The following OXGR1 variants were observed in gnomAD, a reference collection of about 807,000 sequenced individuals.
The protein encoded by OXGR1 is 2-oxoglutarate receptor 1.
In OXGR1, 10 loss-of-function variants were observed where a neutral mutation model predicts 10.0. The ratio of observed to expected loss-of-function variants is 1.00; its 90% CI spans 0.62 to 1.70. The LOEUF (loss-of-function observed/expected upper bound fraction) is 1.70. Ranked by LOEUF, OXGR1 falls within the 40% of genes most tolerant of loss-of-function variation. OXGR1 has a pLI of 0.00. For synonymous variants in OXGR1, 191 were observed against 155.9 expected (o/e 1.22, Z -1.68); for missense variants, 398 against 407.6 (o/e 0.98, Z 0.20).
At position 96,986,878 on chromosome 13, in the gene OXGR1, G is replaced by A. The variant is rs763207149; in HGVS notation, c.882C>T (p.Asn294=). The change falls in exon 4 of 4, where the codon AAC becomes AAT. Residue 294 remains asparagine (N), a synonymous_variant. Transcript: ENST00000541038. ...CATATAGTAACAGGTTACCAAAGGT[G>A]TTCAGAGCAGCTAATGGTCTAGAAA... is the stretch of plus-strand genomic sequence containing the variant. ...YIVSRPLAAL[N]TFGNLLLYVV... 1.1e-5 allele frequency: 18 copies of A among 1,614,090 alleles called. No individual in the cohort carries two copies. The African/African-American group carries it at 1.9e-4, about 17-fold the overall frequency.
chr13:96,992,998 A>G (rs1422186924), intron 1 of OXGR1, among the ~76,000 whole-genome samples: 1 of 152,226 alleles, frequency 6.6e-6, no homozygotes, highest in Non-Finnish European at 1.5e-5. Context: ...TAGACCTTTC[A>G]TTCACAAAGA....
chr13:96,986,890 T>C lies in OXGR1; in HGVS notation c.870A>G (p.Leu290=), dbSNP rs761956142. The change falls in exon 4 of 4, where the codon TTA becomes TTG. Residue 290 remains leucine, a synonymous_variant. Transcript: ENST00000541038. ...IHEAYIVSRP[L]AALNTFGNLL... is the part of the protein sequence containing the mutation. ...GGTTACCAAAGGTGTTCAGAGCAGC[T>C]AATGGTCTAGAAACGATGTAAGCTT... The C allele has an allele frequency of 3.1e-6, 5 of 1,614,212 alleles. No homozygotes were observed. The highest frequency in any genetic ancestry group is 1.1e-5 in the South Asian group (1 of 91,084).
At chr13:96,991,703 A>G (rs1222743898) in intron 2 of OXGR1, among the ~76,000 whole-genome samples, 1 of 152,230 alleles carries the variant, frequency 6.6e-6, no homozygotes, top group Non-Finnish European at 1.5e-5. Context: ...CTGAGCTACC[A>G]TATGATCCAG....
In OXGR1 at chr13:96,986,004, G is replaced by A. The variant is rs777063389; in HGVS notation, c.*742C>T. ...ACATCTGAAAGTGACTTCTGTCCTA[G>A]AAAGTTTCCCTTCCTTCCCCAGGAC... On this transcript the variant is annotated 3_prime_UTR_variant, in exon 4 of 4. Coordinates refer to ENST00000541038, the MANE Select transcript of OXGR1 (RefSeq NM_001346194.2). The A allele has an allele frequency of 3.9e-5, 6 of 152,306 alleles. No individual in the cohort carries two copies. Among genetic ancestry groups the A allele is most frequent in the South Asian group, 4.1e-4 (2 of 4,830 alleles). 9.4% of individuals were successfully genotyped at this position (152,306 alleles called of 1,614,324 possible). A position where few individuals can be genotyped will look rare whatever the true frequency, so the allele number is the denominator to read the frequency against.
chr13:96,994,074 T>C (rs1425850809), intron 1 of OXGR1, among the ~76,000 whole-genome samples: 3 of 152,162 alleles, frequency 2.0e-5, no homozygotes, highest in Non-Finnish European at 4.4e-5. Flanking sequence ...TTTTGTTCCC[T>C]AAAATGAAAC....
rs1375957094 is a variant in OXGR1 at position 96,992,484 on chromosome 13, GA to G, written c.-190del. On this transcript the variant is annotated 5_prime_UTR_variant, in exon 2 of 4. An upstream open reading frame in the 5' UTR loses its in-frame stop. Transcript: ENST00000541038. ...TGTGATTGTTTGAGGCTAGCTGCAGGATGTCAATATTTGGGTAACACACCGT... is the reference window on the plus strand; with the variant it reads ...TGTGATTGTTTGAGGCTAGCTGCAGGTGTCAATATTTGGGTAACACACCGT... 2 of 152,184 alleles carry G rather than the reference GA, an allele frequency of 1.3e-5. No individual in the cohort carries two copies. Among genetic ancestry groups the G allele is most frequent in the Non-Finnish European group, 2.9e-5 (2 of 68,038 alleles). The allele number at this position is 152,184 out of a possible 1,614,324, so 9.4% of individuals were successfully genotyped here.
chr13:96,992,059 T>C (rs1166444982), intron 2 of OXGR1, among the ~76,000 whole-genome samples: 1 of 150,080 alleles, frequency 6.7e-6, no homozygotes, highest in African/African-American at 2.5e-5. Context: ...GCATAGAGAG[T>C]AGAAGGATGG....
At chr13:96,990,507 C>T (rs1881994965) in intron 2 of OXGR1, among the ~76,000 whole-genome samples, 1 of 152,152 alleles carries the variant, frequency 6.6e-6, no homozygotes, top group African/African-American at 2.4e-5. Flanking sequence ...CACAAGTCAC[C>T]TCATACCCCA....
chr13:96,987,364 G>A lies in OXGR1; in HGVS notation c.396C>T (p.Tyr132=). ...LFLTCFSIFR[Y]CVIIHPMSCF... ...AGCTCATTGGGTGAATGATCACACA[G>A]TAGCGGAAGATGCTGAAACAGGTGA... The change falls in exon 4 of 4, where the codon TAC becomes TAT. Residue 132 remains tyrosine (Y), a synonymous_variant. Transcript: ENST00000541038. The A allele has an allele frequency of 1.9e-6, 3 of 1,614,202 alleles. No individual in the cohort carries two copies. Among genetic ancestry groups the A allele is most frequent in the South Asian group, 2.2e-5 (2 of 91,084 alleles).
Position 96,986,753 on chromosome 13 carries a change from T to A in OXGR1, c.1007A>T (p.Asn336Ile). The A allele has an allele frequency of 6.2e-7, 1 of 1,603,642 alleles. No homozygotes were observed. The highest frequency in any genetic ancestry group is 8.5e-7 in the Non-Finnish European group (1 of 1,175,892). Reference sequence around the variant, plus strand: ...TTAAGTAAATGAAATATTTCAAGGGTTGTTTGAGTAACTAATTTTCTTTGC... The same window carrying A: ...TTAAGTAAATGAAATATTTCAAGGGATGTTTGAGTAACTAATTTTCTTTGC... ...EQAKKISYSN[N>I]P is the part of the protein sequence containing the mutation. The change falls in exon 4 of 4, where the codon AAC becomes ATC. Residue 336 changes from asparagine (N) to isoleucine (I), a missense_variant. Asn to Ile is a moderately radical substitution (Grantham distance 149). Coordinates refer to ENST00000541038, the MANE Select transcript of OXGR1 (RefSeq NM_001346194.2).
At position 96,987,045 on chromosome 13, in the gene OXGR1, C is replaced by T; in HGVS notation, c.715G>A (p.Ala239Thr). Residue 239 changes from alanine (A) to threonine (T), a missense_variant, in exon 4 of 4, where the codon GCA (alanine) becomes ACA (threonine). Transcript: ENST00000541038. Reference protein sequence around the residue: ...LQTDSCLKQKARRLTILLLLA... With the variant: ...LQTDSCLKQKTRRLTILLLLA... ...AGTAGCAGAATGGTTAGCCTTCGTG[C>T]TTTCTGCTTAAGGCAGCTGTCAGTT... The T allele has an allele frequency of 1.9e-6, 3 of 1,614,194 alleles. No individual in the cohort carries two copies. Among genetic ancestry groups the T allele is most frequent in the South Asian group, 2.2e-5 (2 of 91,080 alleles).
At position 96,987,317 on chromosome 13, in the gene OXGR1, C is replaced by T. The variant is rs773971892; in HGVS notation, c.443G>A (p.Arg148Gln). 2.6e-5 allele frequency: 42 copies of T among 1,614,180 alleles called. 1 individual carries two copies. The highest frequency in any genetic ancestry group is 6.7e-5 in the East Asian group (3 of 44,880). The change falls in exon 4 of 4, where the codon CGA (arginine) becomes CAA (glutamine). Residue 148 changes from arginine to glutamine, a missense_variant. Physicochemically the swap from Arg to Gln is conservative, Grantham distance 43 (BLOSUM62 1). Transcript: ENST00000541038. ...PMSCFSIHKTRCAVVACAVVW... is the reference protein window; with the variant it reads ...PMSCFSIHKTQCAVVACAVVW... The stretch of plus-strand genomic sequence containing the variant: ...CACAGCACAGGCTACAACTGCACAT[C>T]GAGTTTTGTGAATGGAAAAGCAGCT...
In OXGR1 at chr13:96,986,980, C is replaced by G; in HGVS notation, c.780G>C (p.Leu260Phe). 2 of 1,614,144 alleles carry G rather than the reference C, an allele frequency of 1.2e-6. No individual in the cohort carries two copies. The highest frequency in any genetic ancestry group is 1.7e-6 in the Non-Finnish European group (2 of 1,180,032). Residue 260 changes from leucine (L) to phenylalanine (F), a missense_variant, in exon 4 of 4, where the codon TTG (leucine) becomes TTC (phenylalanine). Coordinates refer to ENST00000541038, the MANE Select transcript of OXGR1 (RefSeq NM_001346194.2). ...FYVCFLPFHILRVIRIESRLL... is the reference protein window; with the variant it reads ...FYVCFLPFHIFRVIRIESRLL... ...GGCGAGATTCGATCCGAATGACCCTCAAGATATGGAAGGGTAAAAAACATA... is the reference window on the plus strand; with the variant it reads ...GGCGAGATTCGATCCGAATGACCCTGAAGATATGGAAGGGTAAAAAACATA...
intron 1 of OXGR1, among the ~76,000 whole-genome samples, chr13:96,992,887 G>A (rs1010197785): frequency 3.9e-5 from 6 of 152,156 alleles, no homozygotes; most frequent in Admixed American, 2.6e-4. Context: ...CAATGGACGA[G>A]GGAGGTGCAC....
chr13:96,989,030 A>C (rs927196929), intron 3 of OXGR1, among the ~76,000 whole-genome samples: 4 of 152,216 alleles, frequency 2.6e-5, no homozygotes, highest in Admixed American at 1.3e-4. Flanking sequence ...TTTTAACAAA[A>C]TATAAACCCA....
chr13:96,986,856 A>G lies in OXGR1; in HGVS notation c.904T>C (p.Tyr302His). 1.2e-6 allele frequency: 2 copies of G among 1,614,198 alleles called. No homozygotes were observed. Among genetic ancestry groups the G allele is most frequent in the Non-Finnish European group, 1.7e-6 (2 of 1,180,014 alleles). ...ALNTFGNLLL[Y>H]VVVSDNFQQA... is the part of the protein sequence containing the mutation. ...TGAAAGTTGTCGCTGACCACCACATATAGTAACAGGTTACCAAAGGTGTTC... is the reference window on the plus strand; with the variant it reads ...TGAAAGTTGTCGCTGACCACCACATGTAGTAACAGGTTACCAAAGGTGTTC... The change falls in exon 4 of 4, where the codon TAT becomes CAT. Residue 302 changes from tyrosine to histidine, a missense_variant. Physicochemically the swap from Tyr to His is moderately conservative, Grantham distance 83 (BLOSUM62 2). Coordinates refer to ENST00000541038, the MANE Select transcript of OXGR1 (RefSeq NM_001346194.2).
At position 96,987,177 on chromosome 13, in the gene OXGR1, T is replaced by C. The variant is rs777875475; in HGVS notation, c.583A>G (p.Ile195Val). Reference protein sequence around the residue: ...DLTSSDELNTIKWYNLILTAT... With the variant: ...DLTSSDELNTVKWYNLILTAT... ...GTCAAAATCAGGTTGTACCACTTAA[T>C]AGTATTGAGTTCATCCGAACTGGTG... The change falls in exon 4 of 4, where the codon ATT becomes GTT. Residue 195 changes from isoleucine (I) to valine (V), a missense_variant. Ile to Val is a conservative substitution (Grantham distance 29, BLOSUM62 3). Transcript: ENST00000541038. The C allele has an allele frequency of 3.2e-5, 52 of 1,614,010 alleles. No individual in the cohort carries two copies. The East Asian group carries it at 4.2e-4, about 13-fold the overall frequency.
chr13:96,994,717 A>G (rs1187149789), upstream of OXGR1: 1 of 151,080 alleles, frequency 6.6e-6, no homozygotes, highest in Admixed American at 6.6e-5. Flanking sequence ...TCTTTTGAGA[A>G]GGAGTCTCGC....
intron 2 of OXGR1, among the ~76,000 whole-genome samples, chr13:96,991,408 A>C (rs1037374988): frequency 6.6e-6 from 1 of 152,240 alleles, no homozygotes; most frequent in Non-Finnish European, 1.5e-5. Flanking sequence ...AGGACATTAA[A>C]GACAAATGTG....
Sources: gnomAD v4.1 joint callset for allele counts (sites outside exome capture counted in the v4.1 genomes callset) on GRCh38, gnomAD v4.1.1 for gene constraint, MANE v1.5 for transcripts, NCBI Gene and HGNC (gene_info 2026-07-23, HGNC 2026-07-21) for gene names.